The following ERBB4 variants were observed in gnomAD, a reference collection of about 807,000 sequenced individuals.
ERBB4 encodes the protein erb-b2 receptor tyrosine kinase 4, also known as receptor tyrosine-protein kinase erbB-4.
Under a neutral mutation model 158.0 loss-of-function variants are expected in ERBB4, and 42 were observed. The ratio of observed to expected loss-of-function variants is 0.27; its 90% CI spans 0.21 to 0.34. The LOEUF is 0.34. Among genes scored for constraint, ERBB4 ranks in the 10% least tolerant of loss-of-function variants. The pLI, the probability that ERBB4 is intolerant of heterozygous loss-of-function variation, is 1.00. For synonymous variants in ERBB4, 583 were observed against 558.7 expected, an observed-to-expected ratio of 1.04 and a Z score of -0.61; for missense variants, 1,333 against 1,624.1, an observed-to-expected ratio of 0.82 and a Z score of 3.08.
Position 211,872,566 on chromosome 2 carries a change from T to C in ERBB4, c.421+74864A>G, listed in dbSNP as rs144734065. Among the ~76,000 whole-genome samples, 298 of 152,310 alleles carry C rather than the reference T, an allele frequency of 2.0e-3. 1 individual carries two copies. Among genetic ancestry groups the C allele is most frequent in the African/African-American group, 6.9e-3 (288 of 41,576 alleles). On this transcript the variant is annotated intron_variant, in intron 3 of 27. Coordinates refer to ENST00000342788, the MANE Select transcript of ERBB4 (RefSeq NM_005235.3). Reference sequence around the variant, plus strand: ...CAAAATTTATTTTTTTTATCTTATTTAGTGAAAAATAAATTCAGAGTCATG... The same window carrying C: ...CAAAATTTATTTTTTTTATCTTATTCAGTGAAAAATAAATTCAGAGTCATG...
intron 1 of ERBB4, among the ~76,000 whole-genome samples, chr2:212,525,593 A>T (rs946810112): frequency 2.0e-5 from 3 of 152,030 alleles, no homozygotes; most frequent in Non-Finnish European, 4.4e-5. Flanking sequence ...TATAGATATT[A>T]TTGTACAAAT....
At chr2:212,395,638 T>G (rs2091003119) in intron 1 of ERBB4, among the ~76,000 whole-genome samples, 1 of 110,348 alleles carries the variant, frequency 9.1e-6, no homozygotes, top group Non-Finnish European at 1.9e-5. Context: ...TTTTTTTTTT[T>G]GAGATGGAGT....
At chr2:211,730,490 C>A (rs2074393897) in intron 5 of ERBB4, among the ~76,000 whole-genome samples, 1 of 151,972 alleles carries the variant, frequency 6.6e-6, no homozygotes, top group African/African-American at 2.4e-5. Flanking sequence ...GTCTTCTCTC[C>A]TTCAGTGCCT....
At chr2:211,409,016 T>C (rs2063201559) in intron 25 of ERBB4, among the ~76,000 whole-genome samples, 1 of 152,172 alleles carries the variant, frequency 6.6e-6, no homozygotes, top group African/African-American at 2.4e-5. Context: ...CGAAAAAGGC[T>C]TCATAAAATT....
intron 3 of ERBB4, among the ~76,000 whole-genome samples, chr2:211,882,977 T>C (rs2078702123): frequency 6.6e-6 from 1 of 152,194 alleles, no homozygotes; most frequent in Admixed American, 6.5e-5. Context: ...GGATGATAAA[T>C]CATGCTGCTA....
At chr2:212,039,607 A>G (rs1298367722) in intron 2 of ERBB4, among the ~76,000 whole-genome samples, 1 of 152,202 alleles carries the variant, frequency 6.6e-6, no homozygotes, top group Non-Finnish European at 1.5e-5. Flanking sequence ...AGTAGCAATA[A>G]TCATCGCCAG....
At chr2:212,409,863 C>G (rs1251133367) in intron 1 of ERBB4, among the ~76,000 whole-genome samples, 1 of 152,038 alleles carries the variant, frequency 6.6e-6, no homozygotes, top group Non-Finnish European at 1.5e-5. Flanking sequence ...CATAATACAT[C>G]ACATCAAACA....
At chr2:212,344,016 G>A (rs1267661988) in intron 1 of ERBB4, among the ~76,000 whole-genome samples, 1 of 151,926 alleles carries the variant, frequency 6.6e-6, no homozygotes, top group Non-Finnish European at 1.5e-5. Flanking sequence ...GTCTTCCAGA[G>A]AATAAAGAAT....
intron 12 of ERBB4, among the ~76,000 whole-genome samples, chr2:211,686,064 G>A (rs796957930): frequency 3.9e-5 from 6 of 152,112 alleles, no homozygotes; most frequent in African/African-American, 1.4e-4. Flanking sequence ...TCTGTGAATA[G>A]AGAGATTTTT....
At chr2:212,195,198 A>G (rs565576242) in intron 1 of ERBB4, among the ~76,000 whole-genome samples, 4 of 152,098 alleles carry the variant, frequency 2.6e-5, no homozygotes, top group Admixed American at 6.6e-5. Context: ...ACAAATTATA[A>G]ATTTGGTGTT....
intron 2 of ERBB4, among the ~76,000 whole-genome samples, chr2:211,968,061 T>C (rs552722549): frequency 6.6e-6 from 1 of 152,184 alleles, no homozygotes; most frequent in East Asian, 1.9e-4. Flanking sequence ...ATCTTCTATG[T>C]AGAATATTCA....
intron 2 of ERBB4, among the ~76,000 whole-genome samples, chr2:212,085,954 TAA>T: frequency 6.6e-6 from 1 of 152,042 alleles, no homozygotes; most frequent in African/African-American, 2.4e-5. Context: ...TAAGAGGATA[TAA>T]AGGCATTCTT....
chr2:212,004,826 A>G (rs1379260390), intron 2 of ERBB4, among the ~76,000 whole-genome samples: 1 of 151,976 alleles, frequency 6.6e-6, no homozygotes, highest in African/African-American at 2.4e-5. Context: ...ACATATATAT[A>G]TTGATATTTT....
intron 1 of ERBB4, among the ~76,000 whole-genome samples, chr2:212,363,181 T>TA (rs535428411): frequency 2.3e-4 from 35 of 151,550 alleles, no homozygotes; most frequent in African/African-American, 6.7e-4. Context: ...AGGTATCCTA[T>TA]GGTTGTAATT....
chr2:211,775,238 G>C (rs369401578), intron 4 of ERBB4, among the ~76,000 whole-genome samples: 4 of 152,180 alleles, frequency 2.6e-5, no homozygotes, highest in Non-Finnish European at 4.4e-5. Context: ...TGCCAGATAG[G>C]TGAGTGTGGT....
intron 2 of ERBB4, among the ~76,000 whole-genome samples, chr2:212,006,247 T>C (rs2076256948): frequency 6.6e-6 from 1 of 152,126 alleles, no homozygotes; most frequent in Non-Finnish European, 1.5e-5. Context: ...TGAAAATAAA[T>C]ATTTCAATAT....
At chr2:211,820,701 A>G (rs945015053) in intron 3 of ERBB4, among the ~76,000 whole-genome samples, 1 of 151,894 alleles carries the variant, frequency 6.6e-6, no homozygotes, top group Non-Finnish European at 1.5e-5. Context: ...AAATATGAGG[A>G]AACCAAATCT....
chr2:211,656,629 C>G (rs2071228967), intron 16 of ERBB4, among the ~76,000 whole-genome samples: 1 of 152,174 alleles, frequency 6.6e-6, no homozygotes, highest in Admixed American at 6.5e-5. Flanking sequence ...TTCCCTTTTC[C>G]AGTCAACCTT....
At chr2:211,591,229 C>T (rs1397660908) in intron 19 of ERBB4, among the ~76,000 whole-genome samples, 2 of 152,122 alleles carry the variant, frequency 1.3e-5, no homozygotes, top group East Asian at 1.9e-4. Flanking sequence ...TGTGGAAAGT[C>T]GCTAGTTTCA....
Sources: gnomAD v4.1 joint callset for allele counts (sites outside exome capture counted in the v4.1 genomes callset) on GRCh38, gnomAD v4.1.1 for gene constraint, MANE v1.5 for transcripts, NCBI Gene and HGNC (gene_info 2026-07-23, HGNC 2026-07-21) for gene names.